Variants in TRPM3 observed in about 807,000 individuals in gnomAD.
TRPM3 encodes the protein transient receptor potential cation channel subfamily M member 3, also known as long transient receptor potential channel 3.
TRPM3 carries 77 observed loss-of-function variants against 181.2 expected under a neutral mutation model. The observed-to-expected ratio is 0.42, with a 90% CI of 0.35 to 0.51. The LOEUF (loss-of-function observed/expected upper bound fraction) is 0.51, where lower values mean the gene tolerates loss of function less well. TRPM3 is among the 20% of genes least tolerant of loss of function. TRPM3 has a pLI of 0.01. For synonymous variants in TRPM3, 745 were observed against 796.4 expected, an observed-to-expected ratio of 0.94 and a Z score of 1.09; for missense variants, 1,759 against 2,196.7, an observed-to-expected ratio of 0.80 and a Z score of 3.98.
chr9:70,805,091 G>A (rs2090332299), intron 6 of TRPM3, among the ~76,000 whole-genome samples: 1 of 151,992 alleles, frequency 6.6e-6, no homozygotes, highest in African/African-American at 2.4e-5. Flanking sequence ...TGGTTACTTT[G>A]GCTGACAAAA....
intron 5 of TRPM3, among the ~76,000 whole-genome samples, chr9:70,832,252 C>G (rs1375278894): frequency 6.6e-6 from 1 of 150,672 alleles, no homozygotes; most frequent in Non-Finnish European, 1.5e-5. Context: ...TGTAACTAAC[C>G]TGCACATTGT....
chr9:71,011,253 T>G (rs2097735762), intron 1 of TRPM3, among the ~76,000 whole-genome samples: 1 of 152,000 alleles, frequency 6.6e-6, no homozygotes, highest in African/African-American at 2.4e-5. Context: ...CTATAGCAAA[T>G]AACAATGTAT....
chr9:71,422,610 A>C (rs1221057373), intron 1 of TRPM3, among the ~76,000 whole-genome samples: 1 of 152,082 alleles, frequency 6.6e-6, no homozygotes, highest in African/African-American at 2.4e-5. Flanking sequence ...GGATCTTTCT[A>C]GTAGTATATA....
intron 12 of TRPM3, among the ~76,000 whole-genome samples, chr9:70,634,511 A>C (rs2066518845): frequency 1.3e-5 from 2 of 152,230 alleles, no homozygotes; most frequent in Non-Finnish European, 2.9e-5. Flanking sequence ...GCACCTAGTC[A>C]TCACTAGCTC....
intron 1 of TRPM3, among the ~76,000 whole-genome samples, chr9:71,426,208 AT>A: frequency 6.6e-6 from 1 of 152,264 alleles, no homozygotes; most frequent in East Asian, 1.9e-4. Flanking sequence ...AAACATTTAA[AT>A]AATTAATCAG....
intron 1 of TRPM3, among the ~76,000 whole-genome samples, chr9:70,984,538 A>G (rs1276074997): frequency 1.3e-5 from 2 of 152,244 alleles, no homozygotes; most frequent in East Asian, 3.8e-4. Flanking sequence ...AACTGGATTC[A>G]TTAAAATAAA....
chr9:71,144,135 C>T (rs2075282084), intron 1 of TRPM3, among the ~76,000 whole-genome samples: 1 of 152,266 alleles, frequency 6.6e-6, no homozygotes, highest in African/African-American at 2.4e-5. Flanking sequence ...ATATTCCTTA[C>T]ATTGTGGCCA....
At chr9:70,953,922 A>G (rs1198425908) in intron 1 of TRPM3, among the ~76,000 whole-genome samples, 1 of 152,218 alleles carries the variant, frequency 6.6e-6, no homozygotes, top group Non-Finnish European at 1.5e-5. Flanking sequence ...AGCAAGATGA[A>G]GGGAACATTT....
At chr9:70,798,348 C>T (rs1386354860) in intron 6 of TRPM3, among the ~76,000 whole-genome samples, 1 of 152,204 alleles carries the variant, frequency 6.6e-6, no homozygotes, top group Admixed American at 6.5e-5. Flanking sequence ...AACCACCATG[C>T]CTGGGCCCCT....
At chr9:71,325,157 T>C (rs1262519983) in intron 1 of TRPM3, among the ~76,000 whole-genome samples, 1 of 152,116 alleles carries the variant, frequency 6.6e-6, no homozygotes, top group Non-Finnish European at 1.5e-5. Flanking sequence ...CTCACAAGTT[T>C]GTACAAGTAA....
At chr9:71,404,512 C>T (rs1369927066) in intron 1 of TRPM3, among the ~76,000 whole-genome samples, 1 of 152,114 alleles carries the variant, frequency 6.6e-6, no homozygotes, top group Non-Finnish European at 1.5e-5. Context: ...AATCTTAAGT[C>T]TCTCCTTCCT....
chr9:71,317,766 A>G (rs2088784049), intron 1 of TRPM3, among the ~76,000 whole-genome samples: 1 of 152,132 alleles, frequency 6.6e-6, no homozygotes, highest in Admixed American at 6.5e-5. Context: ...TTAAACTACT[A>G]TTTTTCTCAT....
chr9:71,400,925 C>G (rs1311320728), intron 1 of TRPM3, among the ~76,000 whole-genome samples: 1 of 151,900 alleles, frequency 6.6e-6, no homozygotes, highest in Admixed American at 6.6e-5. Flanking sequence ...TTACTGGGTA[C>G]AGTGGCTCAT....
chr9:71,143,209 T>C (rs1008079975), intron 1 of TRPM3, among the ~76,000 whole-genome samples: 3 of 152,058 alleles, frequency 2.0e-5, no homozygotes, highest in Non-Finnish European at 4.4e-5. Context: ...TTTTAACTTT[T>C]AAGTTCAAGA....
At chr9:71,096,560 GCACACA>G (rs35388140) in intron 1 of TRPM3, among the ~76,000 whole-genome samples, 3 of 78,402 alleles carry the variant, frequency 3.8e-5, no homozygotes, top group Admixed American at 1.6e-4. Flanking sequence ...GTGAGCGCAT[GCACACA>G]CACACACACA....
intron 1 of TRPM3, among the ~76,000 whole-genome samples, chr9:71,393,364 C>T (rs1466521212): frequency 6.6e-6 from 1 of 152,060 alleles, no homozygotes; most frequent in Admixed American, 6.6e-5. Context: ...TGTCCCAGAA[C>T]AGTACCTAGC....
chr9:71,366,787 C>T (rs2092349528), intron 1 of TRPM3, among the ~76,000 whole-genome samples: 1 of 152,052 alleles, frequency 6.6e-6, no homozygotes, highest in South Asian at 2.1e-4. Flanking sequence ...ACTATTTACT[C>T]ATTACTATTA....
At chr9:71,340,019 A>C (rs2090845395) in intron 1 of TRPM3, among the ~76,000 whole-genome samples, 1 of 152,156 alleles carries the variant, frequency 6.6e-6, no homozygotes, top group African/African-American at 2.4e-5. Flanking sequence ...TGAAAACAGG[A>C]TTTTGTCTGA....
intron 1 of TRPM3, among the ~76,000 whole-genome samples, chr9:71,050,759 T>C (rs1415662898): frequency 2.0e-5 from 3 of 152,070 alleles, no homozygotes; most frequent in Non-Finnish European, 2.9e-5. Flanking sequence ...GCCCACGGAA[T>C]GCAGGTCATC....
Sources: gnomAD v4.1 joint callset for allele counts (sites outside exome capture counted in the v4.1 genomes callset) on GRCh38, gnomAD v4.1.1 for gene constraint, MANE v1.5 for transcripts, NCBI Gene and HGNC (gene_info 2026-07-23, HGNC 2026-07-21) for gene names.